Variants in XYLB observed in about 807,000 individuals in gnomAD.
XYLB encodes the protein xylulokinase.
In XYLB, 62 loss-of-function variants were observed where a neutral mutation model predicts 78.7. The observed-to-expected ratio is 0.79, with a 90% CI of 0.64 to 0.97. The LOEUF (loss-of-function observed/expected upper bound fraction) is 0.97, where lower values mean the gene tolerates loss of function less well. Among genes scored for constraint, XYLB ranks in the 50% least tolerant of loss-of-function variants. The probability of loss-of-function intolerance (pLI) is 0.00; values close to 1 mark genes in which losing one functional copy is unlikely to be tolerated. For synonymous variants in XYLB, 245 were observed against 247.4 expected, an observed-to-expected ratio of 0.99 and a Z score of 0.09; for missense variants, 687 against 676.8, an observed-to-expected ratio of 1.02 and a Z score of -0.17.
chr3:38,428,878 A>T, the XYLB span, among the ~76,000 whole-genome samples: 16 of 152,038 alleles, frequency 1.1e-4, no homozygotes, highest in African/African-American at 3.9e-4. Flanking sequence ...TTGTTATCTC[A>T]TTTTATCTCC....
intron 14 of XYLB, among the ~76,000 whole-genome samples, 158 bp from the exon 15 acceptor site, chr3:38,379,088 G>T (rs1392699377): frequency 1.3e-5 from 2 of 151,906 alleles, no homozygotes; most frequent in Non-Finnish European, 2.9e-5. Context: ...GTGTGTTTGT[G>T]TGAGTGTGTG....
the XYLB span, among the ~76,000 whole-genome samples, chr3:38,426,628 C>A: frequency 6.6e-6 from 1 of 152,160 alleles, no homozygotes; most frequent in Non-Finnish European, 1.5e-5. Context: ...CTTTGTATAT[C>A]AAATTGAAAT....
At chr3:38,439,491 AG>A in the XYLB span, among the ~76,000 whole-genome samples, 1 of 152,234 alleles carries the variant, frequency 6.6e-6, no homozygotes, top group East Asian at 1.9e-4. Flanking sequence ...GGCCAGACGC[AG>A]TGGCTCACGC....
chr3:38,363,884 G>A (rs704939), intron 4 of XYLB, among the ~76,000 whole-genome samples: 136,250 of 152,210 alleles, frequency 0.9, 61,539 homozygotes, highest in East Asian at 1. Context: ...CTGGATTACT[G>A]TATTTTCAAA....
At chr3:38,386,529 A>G (rs531811179) in intron 15 of XYLB, among the ~76,000 whole-genome samples, 2 of 151,474 alleles carry the variant, frequency 1.3e-5, no homozygotes, top group South Asian at 2.1e-4. Context: ...CTTTTGTTCT[A>G]TATGTTCTTT....
chr3:38,360,410 T>A lies in XYLB; in HGVS notation c.210+2T>A. The A allele has an allele frequency of 6.3e-7, 1 of 1,593,548 alleles. No homozygotes were observed. Among genetic ancestry groups the A allele is most frequent in the Non-Finnish European group, 8.6e-7 (1 of 1,169,538 alleles). On this transcript the variant is annotated splice_donor_variant, in intron 3 of 18. Transcript: ENST00000207870. LOFTEE classifies it high-confidence loss of function. ...TCTCCAGTACTAATGTGGGTCCAGG[T>A]AAGCGCAGGGATTCCTATTCTCCTT...
chr3:38,368,055 A>T, intron 7 of XYLB, 130 bp from the exon 8 acceptor site: 1 of 792,260 alleles, frequency 1.3e-6, no homozygotes. Context: ...CTCCACCATT[A>T]CTTGGGCCTT....
downstream of XYLB, among the ~76,000 whole-genome samples, chr3:38,416,824 G>T (rs1708811309): frequency 6.6e-6 from 1 of 152,212 alleles, no homozygotes; most frequent in Admixed American, 6.5e-5. Flanking sequence ...AACTTTAAGT[G>T]ATATTCTTTG....
chr3:38,372,634 T>G (rs778285215), intron 9 of XYLB, 21 bp from the exon 10 acceptor site: 1 of 1,614,046 alleles, frequency 6.2e-7, no homozygotes, highest in Non-Finnish European at 8.5e-7. Flanking sequence ...AGAGCACCTT[T>G]GCTTTGTCCC....
rs562483418 is a variant in XYLB at position 38,388,029 on chromosome 3, A to G, written c.1292-7476A>G. 4.6e-5 allele frequency among the ~76,000 whole-genome samples: 7 copies of G among 152,312 alleles called. No individual in the cohort carries two copies. The South Asian group carries it at 1.2e-3, about 27-fold the overall frequency. The stretch of plus-strand genomic sequence containing the variant: ...TGTGTTTAAAAGTACGGTGTTGACT[A>G]AAGTGGCTAATTTTTAAACCTTTTA... On this transcript the variant is annotated intron_variant, in intron 15 of 18. Coordinates refer to ENST00000207870, the MANE Select transcript of XYLB (RefSeq NM_005108.4).
downstream of XYLB, among the ~76,000 whole-genome samples, chr3:38,423,806 C>T (rs1023111384): frequency 6.6e-6 from 1 of 152,184 alleles, no homozygotes; most frequent in Non-Finnish European, 1.5e-5. Context: ...TAATCACTTG[C>T]AAAACTCGAT....
At chr3:38,408,063 C>G (rs1476042406) in intron 18 of XYLB, among the ~76,000 whole-genome samples, 1 of 151,700 alleles carries the variant, frequency 6.6e-6, no homozygotes, top group African/African-American at 2.4e-5. Context: ...CTCTCCACCC[C>G]AAATCAACAG....
chr3:38,436,628 C>T, the XYLB span, among the ~76,000 whole-genome samples: 1 of 152,182 alleles, frequency 6.6e-6, no homozygotes. Context: ...AAGAAAACTA[C>T]AGGGCAGTAT....
At chr3:38,367,382 G>C (rs1057224425) in intron 7 of XYLB, among the ~76,000 whole-genome samples, 7 of 152,228 alleles carry the variant, frequency 4.6e-5, no homozygotes, top group African/African-American at 1.7e-4. Context: ...GTTGCTGCCT[G>C]AGAAACAGCC....
At chr3:38,406,517 C>T (rs920028692) in intron 18 of XYLB, among the ~76,000 whole-genome samples, 4 of 152,150 alleles carry the variant, frequency 2.6e-5, no homozygotes, top group Non-Finnish European at 4.4e-5. Flanking sequence ...TCACCAGCAA[C>T]GGAACAAAGC....
intron 17 of XYLB, among the ~76,000 whole-genome samples, chr3:38,398,820 C>T (rs545707872): frequency 6.8e-4 from 103 of 150,536 alleles, no homozygotes; most frequent in African/African-American, 2.3e-3. Context: ...GTCAGGAGAT[C>T]GAGATCATCC....
chr3:38,420,728 T>C (rs1162821053), downstream of XYLB, among the ~76,000 whole-genome samples: 1 of 151,506 alleles, frequency 6.6e-6, no homozygotes, highest in Non-Finnish European at 1.5e-5. Flanking sequence ...ATATCCCCCT[T>C]TTTTTTTGGT....
chr3:38,395,935 T>C (rs1707853391), intron 16 of XYLB, among the ~76,000 whole-genome samples: 1 of 152,250 alleles, frequency 6.6e-6, no homozygotes, highest in Admixed American at 6.5e-5. Context: ...AGTCCTCTTA[T>C]AACACAGTTG....
intron 18 of XYLB, among the ~76,000 whole-genome samples, chr3:38,404,623 C>G (rs1708239491): frequency 6.6e-6 from 1 of 152,116 alleles, no homozygotes; most frequent in African/African-American, 2.4e-5. Flanking sequence ...TAGAGACCAG[C>G]CTGGCCAACA....
Sources: gnomAD v4.1 joint callset for allele counts (sites outside exome capture counted in the v4.1 genomes callset) on GRCh38, gnomAD v4.1.1 for gene constraint, MANE v1.5 for transcripts, NCBI Gene and HGNC (gene_info 2026-07-23, HGNC 2026-07-21) for gene names.